The following COX7B2 variants were observed in gnomAD, a reference collection of about 807,000 sequenced individuals.
COX7B2 encodes the protein cytochrome c oxidase subunit 7B2, mitochondrial.
For missense variants in COX7B2, 109 were observed against 95.9 expected (o/e 1.14, Z -0.57); for synonymous variants, 37 against 32.1 (o/e 1.15, Z -0.51).
chr4:46,802,307 T>C (rs1285479095), intron 2 of COX7B2, among the ~76,000 whole-genome samples: 5 of 152,130 alleles, frequency 3.3e-5, no homozygotes, highest in Non-Finnish European at 5.9e-5. Flanking sequence ...GAAAGGCTAA[T>C]CGTTTAAAGG....
intron 2 of COX7B2, among the ~76,000 whole-genome samples, chr4:46,789,899 T>G (rs1717947663): frequency 6.6e-6 from 1 of 152,108 alleles, no homozygotes; most frequent in African/African-American, 2.4e-5. Context: ...TAGGTGACAC[T>G]TCTTAGGATT....
At chr4:46,766,896 A>G (rs1716575183) in intron 2 of COX7B2, among the ~76,000 whole-genome samples, 1 of 152,180 alleles carries the variant, frequency 6.6e-6, no homozygotes, top group Non-Finnish European at 1.5e-5. Context: ...AAAGCCTACT[A>G]CCACGAAAAA....
intron 1 of COX7B2, among the ~76,000 whole-genome samples, chr4:46,853,609 A>G (rs768998446): frequency 8.6e-5 from 13 of 151,962 alleles, no homozygotes; most frequent in Non-Finnish European, 5.9e-5. Flanking sequence ...GTTGTTCTCT[A>G]TTCTCTTTAG....
Position 46,804,883 on chromosome 4 carries a change from T to A in COX7B2, c.-50+40077A>T, listed in dbSNP as rs144528028. ...GACTGGGCACCGTGGAGCAGGGGGCTGTGCACGTCGGGGAGGCTCAGGCTG... is the reference window on the plus strand; with the variant it reads ...GACTGGGCACCGTGGAGCAGGGGGCAGTGCACGTCGGGGAGGCTCAGGCTG... On this transcript the variant is annotated intron_variant, in intron 2 of 2. Transcript: ENST00000355591. Among the ~76,000 whole-genome samples the A allele has an allele frequency of 3.9e-3, 596 of 152,276 alleles. 5 individuals are homozygous for A. The East Asian group carries it at 0.047, about 12-fold the overall frequency.
At chr4:46,809,530 C>A (rs1719180585) in intron 2 of COX7B2, among the ~76,000 whole-genome samples, 1 of 151,706 alleles carries the variant, frequency 6.6e-6, no homozygotes. Flanking sequence ...CTTCTTCAAT[C>A]CATTGGTTGT....
intron 2 of COX7B2, among the ~76,000 whole-genome samples, chr4:46,803,456 G>A (rs1718774219): frequency 6.6e-6 from 1 of 152,016 alleles, no homozygotes; most frequent in Non-Finnish European, 1.5e-5. Flanking sequence ...CAATGATCTA[G>A]TTGGCATGCT....
rs191106661 is a variant in COX7B2, at chr4:46,849,571, A to C, written c.-104-4557T>G. Among the ~76,000 whole-genome samples the C allele has an allele frequency of 2.0e-5, 3 of 152,224 alleles. No homozygotes were observed. In the East Asian group the frequency reaches 5.8e-4, roughly 29 times the overall value. ...AGGTGGCTTGCATGAAAATGGAAAT[A>C]GAGACTTAGAGAAGAACATATGCTG... On this transcript the variant is annotated intron_variant, in intron 1 of 2. Coordinates refer to ENST00000355591, the MANE Select transcript of COX7B2 (RefSeq NM_130902.3).
At chr4:46,890,716 ACT>A (rs1226328075) in intron 1 of COX7B2, among the ~76,000 whole-genome samples, 1 of 152,136 alleles carries the variant, frequency 6.6e-6, no homozygotes, top group Non-Finnish European at 1.5e-5. Context: ...AAGTGCAAAA[ACT>A]CTGAAGGAGT....
intron 2 of COX7B2, among the ~76,000 whole-genome samples, chr4:46,833,626 G>A (rs981269451): frequency 2.0e-5 from 3 of 152,166 alleles, no homozygotes; most frequent in African/African-American, 7.2e-5. Context: ...TTGGGGAAAG[G>A]AAGATGAATA....
At chr4:46,853,890 A>G (rs1484287047) in intron 1 of COX7B2, among the ~76,000 whole-genome samples, 2 of 152,176 alleles carry the variant, frequency 1.3e-5, no homozygotes, top group Admixed American at 1.3e-4. Flanking sequence ...AGTTTACCAC[A>G]TGTAGCTGTA....
intron 2 of COX7B2, among the ~76,000 whole-genome samples, chr4:46,818,636 CAAA>C (rs35687430): frequency 1.8e-5 from 2 of 110,800 alleles, no homozygotes. Flanking sequence ...GACTCTGTCT[CAAA>C]AAAAAAAAAA....
chr4:46,766,408 C>G (rs1716539555), intron 2 of COX7B2, among the ~76,000 whole-genome samples: 1 of 151,986 alleles, frequency 6.6e-6, no homozygotes, highest in African/African-American at 2.4e-5. Flanking sequence ...CATCAAATGT[C>G]AGGGGAAGCA....
chr4:46,873,034 C>T (rs1718098120), intron 1 of COX7B2, among the ~76,000 whole-genome samples: 1 of 142,198 alleles, frequency 7.0e-6, no homozygotes, highest in Non-Finnish European at 1.5e-5. Context: ...CATGTGTTCT[C>T]ATTGTTCAAC....
At chr4:46,879,976 G>A (rs74970423) in intron 1 of COX7B2, among the ~76,000 whole-genome samples, 2,020 of 152,126 alleles carry the variant, frequency 0.013, 38 homozygotes, top group African/African-American at 0.046. Context: ...CTTGAGCTAG[G>A]ACTTCCAATA....
intron 2 of COX7B2, among the ~76,000 whole-genome samples, chr4:46,794,452 G>A (rs1030602966): frequency 6.6e-6 from 1 of 152,138 alleles, no homozygotes; most frequent in Admixed American, 6.6e-5. Context: ...AGACGGAACT[G>A]TTAGAGTACA....
At chr4:46,834,294 G>A (rs549040193) in intron 2 of COX7B2, among the ~76,000 whole-genome samples, 1 of 151,862 alleles carries the variant, frequency 6.6e-6, no homozygotes, top group East Asian at 1.9e-4. Flanking sequence ...ATACAAACAG[G>A]AATGAAGATC....
intron 2 of COX7B2, among the ~76,000 whole-genome samples, chr4:46,783,142 C>G (rs1245520242): frequency 6.6e-6 from 1 of 152,094 alleles, no homozygotes; most frequent in African/African-American, 2.4e-5. Flanking sequence ...AGCTTTTTTT[C>G]CACTGTAAAG....
intron 2 of COX7B2, among the ~76,000 whole-genome samples, chr4:46,771,114 A>G (rs1315491850): frequency 1.3e-5 from 2 of 152,236 alleles, no homozygotes; most frequent in African/African-American, 4.8e-5. Context: ...ATAATACAAC[A>G]GCAATAAATA....
In COX7B2 at chr4:46,830,383, T is replaced by C. The variant is rs557292116; in HGVS notation, c.-50+14577A>G. Among the ~76,000 whole-genome samples the C allele has an allele frequency of 2.7e-5, 4 of 147,172 alleles. No homozygotes were observed. The South Asian group carries it at 8.8e-4, about 32-fold the overall frequency. On this transcript the variant is annotated intron_variant, in intron 2 of 2. Transcript: ENST00000355591. ...AAACGGAGAGAAAAGAAACAATGTA[T>C]GTAGGAAAACTTTTCTAGGCAATGG...
Sources: allele counts gnomAD v4.1 joint callset (sites outside exome capture counted in the v4.1 genomes callset), GRCh38; gene constraint gnomAD v4.1.1; transcripts MANE v1.5; gene names NCBI Gene and HGNC (gene_info 2026-07-23, HGNC 2026-07-21).